Variants in DIS3L2 observed in about 807,000 individuals in gnomAD.
The protein encoded by DIS3L2 is DIS3 like 3'-5' exoribonuclease 2, also known as DIS3-like exonuclease 2.
Under a neutral mutation model 97.5 loss-of-function variants are expected in DIS3L2, and 34 were observed. The observed-to-expected ratio is 0.35, with a 90% confidence interval of 0.27 to 0.46. DIS3L2 has a LOEUF of 0.46. DIS3L2 is among the 20% of genes least tolerant of loss of function. The probability of loss-of-function intolerance (pLI) is 1.00; values close to 1 mark genes in which losing one functional copy is unlikely to be tolerated. For synonymous variants in DIS3L2, 435 were observed against 445.2 expected, an observed-to-expected ratio of 0.98 and a Z score of 0.29; for missense variants, 1,038 against 1,146.0, an observed-to-expected ratio of 0.91 and a Z score of 1.36.
At chr2:232,092,096 T>G (rs1696859255) in intron 6 of DIS3L2, among the ~76,000 whole-genome samples, 1 of 152,204 alleles carries the variant, frequency 6.6e-6, no homozygotes, top group Non-Finnish European at 1.5e-5. Flanking sequence ...GGAGTCTAGT[T>G]TCATTCTTCT....
At chr2:232,127,575 G>C (rs964586767) in intron 6 of DIS3L2, among the ~76,000 whole-genome samples, 5 of 152,156 alleles carry the variant, frequency 3.3e-5, no homozygotes, top group Non-Finnish European at 7.3e-5. Context: ...CTTGCCCTGG[G>C]CAATGTTGCT....
At chr2:231,993,504 G>A (rs1239183230) in intron 1 of DIS3L2, among the ~76,000 whole-genome samples, 3 of 151,952 alleles carry the variant, frequency 2.0e-5, no homozygotes, top group South Asian at 2.1e-4. Context: ...GTGAGCCACC[G>A]CGCCTGGCTG....
intron 9 of DIS3L2, among the ~76,000 whole-genome samples, chr2:232,175,011 TGGAGATAG>T (rs1691111538): frequency 6.6e-6 from 1 of 152,022 alleles, no homozygotes; most frequent in South Asian, 2.1e-4. Context: ...GTATTTTTTG[TGGAGATAG>T]GGTTTTGCTG....
chr2:232,107,655 C>T lies in DIS3L2; in HGVS notation c.601+19934C>T, dbSNP rs186528853. 9.7e-4 allele frequency among the ~76,000 whole-genome samples: 148 copies of T among 152,224 alleles called. 1 individual carries two copies. Among genetic ancestry groups the T allele is most frequent in the African/African-American group, 3.3e-3 (139 of 41,524 alleles). ...TGTAGGATACAGTGAGCCGAGGTCTCGCCACTGCACTCCAGCCTGGGCAGG... is the reference window on the plus strand; with the variant it reads ...TGTAGGATACAGTGAGCCGAGGTCTTGCCACTGCACTCCAGCCTGGGCAGG... On this transcript the variant is annotated intron_variant, in intron 6 of 20. Transcript: ENST00000325385.
At chr2:232,102,037 A>G (rs1337000630) in intron 6 of DIS3L2, among the ~76,000 whole-genome samples, 1 of 152,214 alleles carries the variant, frequency 6.6e-6, no homozygotes, top group Non-Finnish European at 1.5e-5. Context: ...AGTTTAACCA[A>G]CTGATCAAGC....
chr2:232,086,706 C>T (rs889631332), intron 5 of DIS3L2, among the ~76,000 whole-genome samples: 3 of 132,072 alleles, frequency 2.3e-5, no homozygotes, highest in East Asian at 2.2e-4. Flanking sequence ...GACAGAGTCT[C>T]GCTCTGTCAC....
chr2:232,190,117 C>T (rs1453598667), intron 9 of DIS3L2, among the ~76,000 whole-genome samples: 1 of 152,106 alleles, frequency 6.6e-6, no homozygotes, highest in Non-Finnish European at 1.5e-5. Context: ...TGCTTGAATG[C>T]AGGAGTTCGA....
At chr2:232,287,093 A>G (rs985352363) in intron 13 of DIS3L2, among the ~76,000 whole-genome samples, 1 of 152,192 alleles carries the variant, frequency 6.6e-6, no homozygotes, top group African/African-American at 2.4e-5. Flanking sequence ...AGACTAGACT[A>G]AAAAGTTAGA....
intron 9 of DIS3L2, among the ~76,000 whole-genome samples, chr2:232,200,160 G>A (rs1296137155): frequency 6.6e-6 from 1 of 152,120 alleles, no homozygotes; most frequent in Non-Finnish European, 1.5e-5. Context: ...TGGAATGGGG[G>A]AGATAAGAAC....
At chr2:232,335,576 CT>C (rs1353291227) in intron 19 of DIS3L2, 196 bp from the exon 20 acceptor site, 3 of 622,426 alleles carry the variant, frequency 4.8e-6, no homozygotes, top group Non-Finnish European at 8.5e-6. Flanking sequence ...GCCCCCACCC[CT>C]GGCCCTTGGT....
chr2:232,323,416 A>C (rs1361668382), intron 14 of DIS3L2, among the ~76,000 whole-genome samples: 1 of 152,180 alleles, frequency 6.6e-6, no homozygotes, highest in Non-Finnish European at 1.5e-5. Context: ...TGAGGGCCCA[A>C]ATGTGGCCAT....
intron 1 of DIS3L2, among the ~76,000 whole-genome samples, chr2:231,969,110 A>G (rs1025166014): frequency 5.3e-5 from 8 of 152,282 alleles, no homozygotes; most frequent in African/African-American, 7.2e-5. Flanking sequence ...AACTGAGTCA[A>G]TTAACCCTCT....
intron 1 of DIS3L2, among the ~76,000 whole-genome samples, chr2:232,013,564 C>T (rs963692851): frequency 6.6e-6 from 1 of 152,210 alleles, no homozygotes; most frequent in African/African-American, 2.4e-5. Flanking sequence ...AAAGTACTCT[C>T]AGGTTTCCTG....
chr2:232,024,177 G>T, intron 3 of DIS3L2, 100 bp from the exon 4 acceptor site: 2 of 784,602 alleles, frequency 2.5e-6, no homozygotes, highest in South Asian at 3.6e-5. Context: ...TTTCTCAAGT[G>T]ACCTGTTTAA....
At chr2:232,005,489 G>A (rs1312500688) in intron 1 of DIS3L2, among the ~76,000 whole-genome samples, 3 of 152,096 alleles carry the variant, frequency 2.0e-5, no homozygotes, top group Non-Finnish European at 2.9e-5. Context: ...AATTTGTATT[G>A]AAGATTTAGC....
rs36048859 is a variant in DIS3L2 at position 232,001,715 on chromosome 2, C to CTT, written c.-93-13099_-93-13098dup. On this transcript the variant is annotated intron_variant, in intron 1 of 20. Coordinates refer to ENST00000325385, the MANE Select transcript of DIS3L2 (RefSeq NM_152383.5). ...AGGCCTTACATTTAAATCTTTAATT[C>CTT]TTTTTTTTTTTTTTTTTTTTTTGAG... Among the ~76,000 whole-genome samples the CTT allele has an allele frequency of 4.6e-3, 275 of 60,020 alleles. 1 individual carries two copies. The highest frequency in any genetic ancestry group is 0.01 in the Admixed American group (48 of 4,610). 39.4% of individuals were successfully genotyped at this position (60,020 alleles called of 152,430 possible).
intron 11 of DIS3L2, among the ~76,000 whole-genome samples, chr2:232,245,234 T>C (rs1693216408): frequency 6.6e-6 from 1 of 152,214 alleles, no homozygotes; most frequent in South Asian, 2.1e-4. Context: ...CCAGAGGCTC[T>C]CAGGAACCAT....
At chr2:232,159,629 A>G (rs909268202) in intron 8 of DIS3L2, among the ~76,000 whole-genome samples, 13 of 152,154 alleles carry the variant, frequency 8.5e-5, no homozygotes, top group African/African-American at 3.1e-4. Context: ...TTCTTACTTT[A>G]TGGCATTCAC....
At chr2:232,270,853 T>C (rs1693969775) in intron 13 of DIS3L2, among the ~76,000 whole-genome samples, 1 of 141,278 alleles carries the variant, frequency 7.1e-6, no homozygotes, top group Admixed American at 7.1e-5. Flanking sequence ...CGCGCTCTCT[T>C]TTTCTCGTCT....
Sources: gnomAD v4.1 joint callset for allele counts (sites outside exome capture counted in the v4.1 genomes callset) on GRCh38, gnomAD v4.1.1 for gene constraint, MANE v1.5 for transcripts, NCBI Gene and HGNC (gene_info 2026-07-23, HGNC 2026-07-21) for gene names.